The following VARS1 variants were observed in gnomAD, a reference collection of about 807,000 sequenced individuals.
VARS1 encodes the protein valine--tRNA ligase.
VARS1 carries 92 observed loss-of-function variants against 161.0 expected under a neutral mutation model. The observed-to-expected ratio is 0.57, with a 90% CI of 0.48 to 0.68. VARS1 has a LOEUF of 0.68. Among genes scored for constraint, VARS1 ranks in the 30% least tolerant of loss-of-function variants. VARS1 has a pLI of 0.00. For synonymous variants in VARS1, 595 were observed against 682.5 expected, an observed-to-expected ratio of 0.87 and a Z score of 2.00; for missense variants, 1,338 against 1,695.9, an observed-to-expected ratio of 0.79 and a Z score of 3.71.
chr6:31,794,581 A>G (rs1188516496), intron 2 of VARS1, among the ~76,000 whole-genome samples: 1 of 152,244 alleles, frequency 6.6e-6, no homozygotes, highest in Non-Finnish European at 1.5e-5. Context: ...CTCTGCGCAC[A>G]TCTTTTAATC....
At position 31,784,224 on chromosome 6, in the gene VARS1, G is replaced by T; in HGVS notation, c.1661C>A (p.Thr554Asn). 1 of 1,614,148 alleles carries T rather than the reference G, an allele frequency of 6.2e-7. No homozygotes were observed. The highest frequency in any genetic ancestry group is 8.5e-7 in the Non-Finnish European group (1 of 1,180,046). The change falls in exon 13 of 30, where the codon ACC becomes AAC. Residue 554 changes from threonine (T) to asparagine (N), a missense_variant. By Grantham distance (65) the Thr-to-Asn change is moderately conservative (BLOSUM62 0). Transcript: ENST00000375663. This position sits in a 1 kb window ranked among gnomAD's most constrained non-coding sequence, Gnocchi z 6.1. ...DVAVAVHPKD[T>N]RYQHLKGKNV... ...TGGACAGTCCCCCACCTGGTATCTG[G>T]TATCTTTGGGGTGCACAGCTACAGC...
Position 31,795,029 on chromosome 6 carries a change from C to T in VARS1, c.189G>A (p.Gly63=). 1 of 1,573,662 alleles carries T rather than the reference C, an allele frequency of 6.4e-7. No individual in the cohort carries two copies. The highest frequency in any genetic ancestry group is 1.1e-5 in the South Asian group (1 of 89,342). ...CCCCCCACACCCAGAGCCCACCGGG[C>T]CCCTGCTCCAGGGCCGGCAGGCGGG... The part of the protein sequence containing the change: ...PPPRLPALEQ[G]PGGLWVWGAT... The change falls in exon 2 of 30, where the codon GGG becomes GGA. Residue 63 remains glycine (G), a synonymous_variant. Transcript: ENST00000375663. The surrounding 1 kb of genome is among the most constrained non-coding windows in gnomAD (Gnocchi z 6.9).
In VARS1 at chr6:31,791,340, A is replaced by T. The variant is rs2151432532; in HGVS notation, c.1100+270T>A. Among the ~76,000 whole-genome samples, 1 of 152,260 alleles carries T rather than the reference A, an allele frequency of 6.6e-6. No homozygotes were observed. Among genetic ancestry groups the T allele is most frequent in the South Asian group, 2.1e-4 (1 of 4,826 alleles). On this transcript the variant is annotated intron_variant, in intron 8 of 29. Coordinates refer to ENST00000375663, the MANE Select transcript of VARS1 (RefSeq NM_006295.3). The surrounding 1 kb of genome is among the most constrained non-coding windows in gnomAD (Gnocchi z 5.0). ...AGACTGAGCAACAAAGTGAAAACTC[A>T]TCTTTACAAAAAATTAAATTAAATT...
chr6:31,782,964 C>T lies in VARS1; in HGVS notation c.1763-119G>A. 4 of 1,523,254 alleles carry T rather than the reference C, an allele frequency of 2.6e-6. No homozygotes were observed. Among genetic ancestry groups the T allele is most frequent in the Non-Finnish European group, 3.5e-6 (4 of 1,132,112 alleles). The allele number at this position is 1,523,254 out of a possible 1,614,324, so 94.4% of individuals were successfully genotyped here. ...ACTCCTGGCCCCCACTTGTCTAATA[C>T]AGTCCCTTGAGAACCACCCCAAGCT... On this transcript the variant is annotated intron_variant, in intron 14 of 29. Transcript: ENST00000375663. This position sits in a 1 kb window ranked among gnomAD's most constrained non-coding sequence, Gnocchi z 8.3.
chr6:31,792,772 G>C lies in VARS1; in HGVS notation c.646C>G (p.Leu216Val). 2 of 1,614,188 alleles carry C rather than the reference G, an allele frequency of 1.2e-6. No homozygotes were observed. Among genetic ancestry groups the C allele is most frequent in the South Asian group, 2.2e-5 (2 of 91,088 alleles). ...CCTTCCTCACCTGGCTGATGAGAGA[G>C]AGGCCTGGCTCCTGAGTATAGAACC... ...EVVLYSGARP[L>V]SHQPGPEAPA... Residue 216 changes from leucine to valine, a missense_variant, in exon 4 of 30, where the codon CTC (leucine) becomes GTC (valine). Physicochemically the swap from Leu to Val is conservative, Grantham distance 32 (BLOSUM62 1). This residue lies in a region of VARS1 where 902 missense variants were observed against 1,090.3 expected (regional missense o/e 0.83). Transcript: ENST00000375663.
chr6:31,782,460 G>A lies in VARS1; in HGVS notation c.1992-17C>T, dbSNP rs374472672. 65 of 1,612,124 alleles carry A rather than the reference G, an allele frequency of 4.0e-5. No individual in the cohort carries two copies. In the African/African-American group the frequency reaches 7.9e-4, roughly 20 times the overall value. On this transcript the variant is annotated splice_polypyrimidine_tract_variant and intron_variant, in intron 16 of 29. Coordinates refer to ENST00000375663, the MANE Select transcript of VARS1 (RefSeq NM_006295.3). The surrounding 1 kb of genome is among the most constrained non-coding windows in gnomAD (Gnocchi z 8.3). The stretch of plus-strand genomic sequence containing the variant: ...TTCGACCGGCTGGGGGTACACGTAG[G>A]TGAGAAGGCCAGGCGGTAAAACCCT...
intron 8 of VARS1, among the ~76,000 whole-genome samples, chr6:31,787,174 T>C (rs1813563253): frequency 6.6e-6 from 1 of 151,900 alleles, no homozygotes; most frequent in African/African-American, 2.4e-5. Context: ...ATCATGCCGA[T>C]GCACTCCAAT....
At position 31,779,987 on chromosome 6, in the gene VARS1, C is replaced by T. The variant is rs369243189; in HGVS notation, c.3081+11G>A. ...CCCCACCATCCCCTGCCCCGCTGTG[C>T]TCCTTCTCACCAAGTAGACATCACA... is the stretch of plus-strand genomic sequence containing the variant. On this transcript the variant is annotated intron_variant, in intron 26 of 29. Coordinates refer to ENST00000375663, the MANE Select transcript of VARS1 (RefSeq NM_006295.3). The surrounding 1 kb of genome is among the most constrained non-coding windows in gnomAD (Gnocchi z 9.1). The T allele has an allele frequency of 1.2e-6, 2 of 1,613,634 alleles. No homozygotes were observed. The highest frequency in any genetic ancestry group is 2.7e-5 in the African/African-American group (2 of 74,940).
rs775944467 is a variant in VARS1, at chr6:31,781,166, T to G, written c.2545-43A>C. 1.1e-5 allele frequency: 17 copies of G among 1,600,212 alleles called. No homozygotes were observed. Among genetic ancestry groups the G allele is most frequent in the Non-Finnish European group, 1.4e-5 (16 of 1,170,954 alleles). On this transcript the variant is annotated intron_variant, in intron 21 of 29. Transcript: ENST00000375663. The surrounding 1 kb of genome is among the most constrained non-coding windows in gnomAD (Gnocchi z 6.8). ...AGGCCCATGAGACTCAGTCCTCTCCTTCCCCGGCCTCAGTGCCCCGACCAG... is the reference window on the plus strand; with the variant it reads ...AGGCCCATGAGACTCAGTCCTCTCCGTCCCCGGCCTCAGTGCCCCGACCAG...
Position 31,788,985 on chromosome 6 carries a change from C to G in VARS1, c.1100+2625G>C, listed in dbSNP as rs183763957. 2.4e-4 allele frequency among the ~76,000 whole-genome samples: 37 copies of G among 151,984 alleles called. No individual in the cohort carries two copies. The East Asian group carries it at 6.6e-3, about 27-fold the overall frequency. On this transcript the variant is annotated intron_variant, in intron 8 of 29. Transcript: ENST00000375663. ...CCACATTAATTTAGTACATAAGACA[C>G]CAGAAAAAATTCTCAAAATTTAAAT...
In VARS1 at chr6:31,779,688, C is replaced by T; in HGVS notation, c.3208G>A (p.Glu1070Lys). Reference sequence around the variant, plus strand: ...CTCCGGGGCAGCCTCTGGAACAGCTCCTCCGTCACGAAGGGCATGAAGGGT... The same window carrying T: ...CTCCGGGGCAGCCTCTGGAACAGCTTCTCCGTCACGAAGGGCATGAAGGGT... ...LSPFMPFVTE[E>K]LFQRLPRRMP... The change falls in exon 27 of 30, where the codon GAG becomes AAG. Residue 1070 changes from glutamate to lysine, a missense_variant. Physicochemically the swap from Glu to Lys is moderately conservative, Grantham distance 56 (BLOSUM62 1). This residue lies in a region of VARS1 where 433 missense variants were observed against 586.2 expected (regional missense o/e 0.74). Transcript: ENST00000375663. The surrounding 1 kb of genome is among the most constrained non-coding windows in gnomAD (Gnocchi z 9.1). 6.2e-7 allele frequency: 1 copy of T among 1,613,012 alleles called. No homozygotes were observed. Among genetic ancestry groups the T allele is most frequent in the African/African-American group, 1.3e-5 (1 of 75,024 alleles).
rs1161625846 is a variant in VARS1, at chr6:31,795,195, G to A, written c.23C>T (p.Pro8Leu). 4 of 1,466,840 alleles carry A rather than the reference G, an allele frequency of 2.7e-6. No individual in the cohort carries two copies. The highest frequency in any genetic ancestry group is 3.6e-6 in the Non-Finnish European group (4 of 1,110,336). 90.9% of individuals were successfully genotyped at this position (1,466,840 alleles called of 1,614,324 possible). A position where few individuals can be genotyped will look rare whatever the true frequency, so the allele number is the denominator to read the frequency against. Residue 8 changes from proline (P) to leucine (L), a missense_variant, in exon 2 of 30, where the codon CCT (proline) becomes CTT (leucine). By Grantham distance (98) the Pro-to-Leu change is moderately conservative (BLOSUM62 -3). Around this residue, in one of 3 missense-constraint regions of VARS1, gnomAD observed 902 missense variants for 1,090.3 expected, o/e 0.83. Coordinates refer to ENST00000375663, the MANE Select transcript of VARS1 (RefSeq NM_006295.3). The surrounding 1 kb of genome is among the most constrained non-coding windows in gnomAD (Gnocchi z 6.9). MSTLYVSPHPDAFPSLRA... is the reference protein window; with the variant it reads MSTLYVSLHPDAFPSLRA... ...GAGGCTGGGGAAGGCATCTGGGTGA[G>A]GGGAGACGTAGAGGGTGGACATAGT...
chr6:31,785,297 C>T lies in VARS1; in HGVS notation c.1296G>A (p.Lys432=). Residue 432 remains lysine, a synonymous_variant, in exon 10 of 30, where the codon AAG becomes AAA. Transcript: ENST00000375663. The surrounding 1 kb of genome is among the most constrained non-coding windows in gnomAD (Gnocchi z 6.1). ...CCCAGTCCAAGGAGCTGCCAAGCTT[C>T]TTCAACTGGTGGTAAATCCGGTCAC... ...EKGDRIYHQL[K]KLGSSLDWDR... The T allele has an allele frequency of 6.2e-7, 1 of 1,613,100 alleles. No homozygotes were observed. Among genetic ancestry groups the T allele is most frequent in the Non-Finnish European group, 8.5e-7 (1 of 1,180,030 alleles).
intron 2 of VARS1, among the ~76,000 whole-genome samples, chr6:31,793,533 CT>C (rs1814043343): frequency 6.6e-6 from 1 of 151,844 alleles, no homozygotes; most frequent in South Asian, 2.1e-4. Flanking sequence ...ACACTTCTGA[CT>C]CATCCAACAA....
At position 31,795,331 on chromosome 6, in the gene VARS1, G is replaced by T; in HGVS notation, c.-33-81C>A. 2.9e-6 allele frequency: 3 copies of T among 1,051,560 alleles called. No homozygotes were observed. Among genetic ancestry groups the T allele is most frequent in the Non-Finnish European group, 2.5e-6 (2 of 810,692 alleles). 65.1% of individuals were successfully genotyped at this position (1,051,560 alleles called of 1,614,324 possible). On this transcript the variant is annotated intron_variant, in intron 1 of 29. Coordinates refer to ENST00000375663, the MANE Select transcript of VARS1 (RefSeq NM_006295.3). The surrounding 1 kb of genome is among the most constrained non-coding windows in gnomAD (Gnocchi z 6.9). ...GAGTAGAGAGGGGACCCTCACGGGA[G>T]CTCCTTCGCCGCAGACACCCGAGTC...
chr6:31,778,873 T>C lies in VARS1; in HGVS notation c.3726+94A>G. ...GAAATCTGTAACTGGTTACGATCAATTAGTTGTCAACACCACTGCACTCGG... is the reference window on the plus strand; with the variant it reads ...GAAATCTGTAACTGGTTACGATCAACTAGTTGTCAACACCACTGCACTCGG... On this transcript the variant is annotated intron_variant, in intron 29 of 29. Transcript: ENST00000375663. This position sits in a 1 kb window ranked among gnomAD's most constrained non-coding sequence, Gnocchi z 5.1. 6 of 1,486,496 alleles carry C rather than the reference T, an allele frequency of 4.0e-6. No individual in the cohort carries two copies. Among genetic ancestry groups the C allele is most frequent in the Non-Finnish European group, 5.5e-6 (6 of 1,081,678 alleles). 92.1% of individuals were successfully genotyped at this position (1,486,496 alleles called of 1,614,324 possible).
At position 31,792,400 on chromosome 6, in the gene VARS1, G is replaced by A; in HGVS notation, c.778C>T (p.Pro260Ser). 6.2e-7 allele frequency: 1 copy of A among 1,613,970 alleles called. No individual in the cohort carries two copies. Among genetic ancestry groups the A allele is most frequent in the Non-Finnish European group, 8.5e-7 (1 of 1,180,002 alleles). ...KQKIQQQQPP[P>S]GEKKPKPEKR... The stretch of plus-strand genomic sequence containing the variant: ...CTCCACCCTCGCCTCACCTCCCCTG[G>A]AGGTGGCTGCTGCTGTTGGATCTTC... The change falls in exon 5 of 30, where the codon CCA becomes TCA. Residue 260 changes from proline to serine, a missense_variant. Transcript: ENST00000375663.
At position 31,785,386 on chromosome 6, in the gene VARS1, G is replaced by A; in HGVS notation, c.1266-59C>T. ...CCTGGGCTAGAGGGAGACATCAGGT[G>A]GCTGACTGGGCAGTGTGGAGATCAC... On this transcript the variant is annotated intron_variant, in intron 9 of 29. Transcript: ENST00000375663. This position sits in a 1 kb window ranked among gnomAD's most constrained non-coding sequence, Gnocchi z 6.1. 2.5e-6 allele frequency: 4 copies of A among 1,601,046 alleles called. No individual in the cohort carries two copies. The highest frequency in any genetic ancestry group is 3.4e-6 in the Non-Finnish European group (4 of 1,170,896).
At position 31,781,157 on chromosome 6, in the gene VARS1, G is replaced by A. The variant is rs374753529; in HGVS notation, c.2545-34C>T. On this transcript the variant is annotated intron_variant, in intron 21 of 29. Coordinates refer to ENST00000375663, the MANE Select transcript of VARS1 (RefSeq NM_006295.3). This position sits in a 1 kb window ranked among gnomAD's most constrained non-coding sequence, Gnocchi z 6.8. The stretch of plus-strand genomic sequence containing the variant: ...CAGGTGGGGAGGCCCATGAGACTCA[G>A]TCCTCTCCTTCCCCGGCCTCAGTGC... 3 of 1,608,186 alleles carry A rather than the reference G, an allele frequency of 1.9e-6. No homozygotes were observed. The highest frequency in any genetic ancestry group is 1.3e-5 in the African/African-American group (1 of 75,002).
Sources: allele counts gnomAD v4.1 joint callset (sites outside exome capture counted in the v4.1 genomes callset), GRCh38; gene constraint gnomAD v4.1.1; regional missense constraint gnomAD v4.1.1; non-coding constraint Gnocchi (gnomAD v3.1); transcripts MANE v1.5; gene names NCBI Gene and HGNC (gene_info 2026-07-23, HGNC 2026-07-21).